The following SPG7 variants were observed in gnomAD, a reference collection of about 807,000 sequenced individuals.
The protein encoded by SPG7 is mitochondrial inner membrane m-AAA protease component paraplegin.
A neutral mutation model predicts 81.9 loss-of-function variants in SPG7; 103 were observed. The observed-to-expected ratio is 1.26, with a 90% CI of 1.07 to 1.48. The LOEUF (loss-of-function observed/expected upper bound fraction) is 1.48, where lower values mean the gene tolerates loss of function less well. Among genes scored for constraint, SPG7 ranks in the 40% most tolerant of loss-of-function variants. SPG7 has a pLI of 0.00. For synonymous variants in SPG7, 534 were observed against 444.2 expected (o/e 1.20, Z -2.54); for missense variants, 1,241 against 1,087.3 (o/e 1.14, Z -1.99).
chr16:89,553,465 AG>A (rs2058656909), intron 14 of SPG7: 1 of 522,622 alleles, frequency 1.9e-6, no homozygotes, highest in South Asian at 2.1e-5. Flanking sequence ...AGAGAGCTGA[AG>A]GAGGGTCCCG....
At chr16:89,555,574 C>G (rs182862848) in intron 16 of SPG7, 1 of 266,958 alleles carries the variant, frequency 3.7e-6, no homozygotes, top group Non-Finnish European at 7.0e-6. Flanking sequence ...TGGGAGTCCA[C>G]ATGGCGTTTG....
intron 6 of SPG7, 122 bp downstream of exon 6, chr16:89,529,701 C>A (rs950788200): frequency 1.6e-5 from 12 of 752,636 alleles, no homozygotes; most frequent in Non-Finnish European, 2.4e-5. Flanking sequence ...CCTGAAGCCA[C>A]AATTAGACAG....
At chr16:89,549,583 G>C (rs568709939) in intron 12 of SPG7, 11 of 254,536 alleles carry the variant, frequency 4.3e-5, no homozygotes, top group Non-Finnish European at 8.5e-5. Flanking sequence ...CAGGAGGATT[G>C]CTTGAACCTG....
chr16:89,546,585 CAGACAAACATG>C, intron 10 of SPG7, 62 bp from the exon 11 acceptor site: 1 of 990,320 alleles, frequency 1.0e-6, no homozygotes, highest in Non-Finnish European at 1.6e-6. Context: ...CCCCCCCCCA[CAGACAAACATG>C]CCGCACCTGT....
chr16:89,530,059 G>A (rs942267914), intron 6 of SPG7: 29 of 276,290 alleles, frequency 1.0e-4, no homozygotes, highest in Non-Finnish European at 1.8e-4. Context: ...GGCTGGTCTC[G>A]AACTCCCGAC....
Position 89,526,327 on chromosome 16 carries a change from A to G in SPG7, c.619-2A>G, listed in dbSNP as rs1280272841. ...TGGTCCCCTCTCCTTTCTGCCCCCCAGCGGCTAGCCTTGATGTACCGAATG... is the reference window on the plus strand; with the variant it reads ...TGGTCCCCTCTCCTTTCTGCCCCCCGGCGGCTAGCCTTGATGTACCGAATG... On this transcript the variant is annotated splice_acceptor_variant, in intron 4 of 16. Transcript: ENST00000645818. LOFTEE classifies it high-confidence loss of function. 1.2e-6 allele frequency: 2 copies of G among 1,613,928 alleles called. No homozygotes were observed. Among genetic ancestry groups the G allele is most frequent in the South Asian group, 2.2e-5 (2 of 91,074 alleles).
intron 12 of SPG7, chr16:89,549,426 A>G (rs935615542): frequency 5.5e-6 from 2 of 362,570 alleles, no homozygotes; most frequent in Admixed American, 7.5e-5. Flanking sequence ...TTGGGGGCTG[A>G]GGCAGGAGGG....
At chr16:89,532,334 T>G (rs2058355627) in intron 8 of SPG7, 129 bp from the exon 9 acceptor site, 3 of 1,211,472 alleles carry the variant, frequency 2.5e-6, no homozygotes, top group Non-Finnish European at 1.2e-6. Context: ...CTGCCGTGTG[T>G]CTGTTTGTAG....
At chr16:89,540,016 T>G (rs2152407268) in intron 9 of SPG7, 1 of 152,656 alleles carries the variant, frequency 6.6e-6, no homozygotes, top group South Asian at 2.1e-4. Flanking sequence ...AAATGCTGTC[T>G]TCTTTCCACC....
chr16:89,508,806 G>A (rs1443569062), intron 1 of SPG7: 6 of 704,884 alleles, frequency 8.5e-6, no homozygotes. Context: ...GGAAGAGGCA[G>A]GGCTGGGATC....
chr16:89,529,485 A>T lies in SPG7; in HGVS notation c.767A>T (p.Tyr256Phe), dbSNP rs773926412. The change falls in exon 6 of 17, where the codon TAC becomes TTC. Residue 256 changes from tyrosine to phenylalanine, a missense_variant. By Grantham distance (22) the Tyr-to-Phe change is conservative. Transcript: ENST00000645818. Reference sequence around the variant, plus strand: ...TCTCTTTCTTCCGGCAGTGCCCTGTACTCTGTGGGGATGACGGCAGTGGGC... The same window carrying T: ...TCTCTTTCTTCCGGCAGTGCCCTGTTCTCTGTGGGGATGACGGCAGTGGGC... ...KRTGFFGNAL[Y>F]SVGMTAVGLA... 4.7e-5 allele frequency: 76 copies of T among 1,612,192 alleles called. No homozygotes were observed. The highest frequency in any genetic ancestry group is 6.2e-5 in the Non-Finnish European group (73 of 1,178,922).
intron 3 of SPG7, chr16:89,521,954 G>T (rs1197536172): frequency 1.3e-5 from 2 of 152,054 alleles, no homozygotes; most frequent in Non-Finnish European, 2.9e-5. Flanking sequence ...GCCCTCCAGG[G>T]CAGCTAGAGT....
chr16:89,521,363 C>G (rs1262031964), intron 3 of SPG7: 1 of 152,250 alleles, frequency 6.6e-6, no homozygotes, highest in African/African-American at 2.4e-5. Context: ...ACATGCCTGG[C>G]TGACCCTCAC....
At chr16:89,511,741 T>C (rs2058025644) in intron 2 of SPG7, among the ~76,000 whole-genome samples, 1 of 152,186 alleles carries the variant, frequency 6.6e-6, no homozygotes, top group Admixed American at 6.5e-5. Flanking sequence ...TATTATTTTT[T>C]ATTATTATTT....
chr16:89,556,848 C>A, intron 16 of SPG7, 39 bp from the exon 17 acceptor site: 1 of 1,485,030 alleles, frequency 6.7e-7, no homozygotes, highest in East Asian at 2.3e-5. Flanking sequence ...GCTCTGTCTG[C>A]CCTGGGGACT....
chr16:89,536,964 A>G, intron 9 of SPG7: 1 of 1,614,014 alleles, frequency 6.2e-7, no homozygotes, highest in Non-Finnish European at 8.5e-7. Flanking sequence ...CGTATATCAA[A>G]CGATCTTCTC....
rs755331410 is a variant in SPG7, at chr16:89,532,534, G to A, written c.1222G>A (p.Asp408Asn). The change falls in exon 9 of 17, where the codon GAT becomes AAT. Residue 408 changes from aspartate to asparagine, a missense_variant. Physicochemically the swap from Asp to Asn is conservative, Grantham distance 23. Coordinates refer to ENST00000645818, the MANE Select transcript of SPG7 (RefSeq NM_003119.4). The stretch of plus-strand genomic sequence containing the variant: ...CCGGGCCCCCTGCATCGTCTACATC[G>A]ATGAGATCGACGCGGTGGGCAAGAA... The part of the protein sequence containing the change: ...RARAPCIVYI[D>N]EIDAVGKKRS... The A allele has an allele frequency of 6.2e-6, 10 of 1,613,570 alleles. No individual in the cohort carries two copies. The East Asian group carries it at 6.7e-5, about 11-fold the overall frequency.
intron 9 of SPG7, chr16:89,537,043 C>T (rs1429540827): frequency 6.2e-7 from 1 of 1,600,424 alleles, no homozygotes; most frequent in African/African-American, 1.3e-5. Flanking sequence ...GCCTGGGAAT[C>T]CGCTGACTGA....
chr16:89,544,534 T>C, intron 9 of SPG7, 114 bp from the exon 10 acceptor site: 1 of 1,264,340 alleles, frequency 7.9e-7, no homozygotes, highest in Non-Finnish European at 1.2e-6. Flanking sequence ...TTCCTTTCTC[T>C]CTGGGCCTTA....
Sources: allele counts gnomAD v4.1 joint callset (sites outside exome capture counted in the v4.1 genomes callset), GRCh38; gene constraint gnomAD v4.1.1; transcripts MANE v1.5; gene names NCBI Gene and HGNC (gene_info 2026-07-23, HGNC 2026-07-21).